FANCB: variants seen among roughly 807,000 people sequenced by gnomAD.
The protein encoded by FANCB is Fanconi anemia group B protein.
In FANCB, 5 loss-of-function variants were observed where a neutral mutation model predicts 38.9. The observed-to-expected ratio is 0.13, with a 90% CI of 0.07 to 0.27. The LOEUF is 0.27. Among genes scored for constraint, FANCB ranks in the 10% least tolerant of loss-of-function variants. The probability of loss-of-function intolerance (pLI) is 1.00; values close to 1 mark genes in which losing one functional copy is unlikely to be tolerated. For missense variants in FANCB, 573 were observed against 602.7 expected (o/e 0.95, Z 0.52); for synonymous variants, 236 against 215.4 (o/e 1.10, Z -0.84).
At chrX:14,795,485 T>C in the FANCB span, among the ~76,000 whole-genome samples, 1 of 111,176 alleles carries the variant, frequency 9.0e-6, no homozygotes, top group Non-Finnish European at 1.9e-5. Context: ...AGGGTGAAGA[T>C]GCAGACCAGC....
At chrX:14,754,650 C>A in the FANCB span, among the ~76,000 whole-genome samples, 1 of 111,071 alleles carries the variant, frequency 9.0e-6, no homozygotes, top group South Asian at 3.8e-4. Flanking sequence ...CTCAGAATAA[C>A]AGTCATTGGA....
At chrX:14,839,046 T>C (rs1360406737), downstream of FANCB, among the ~76,000 whole-genome samples, 2 of 111,357 alleles carry the variant, frequency 1.8e-5, no homozygotes, top group Non-Finnish European at 3.8e-5. Context: ...ATCCCAGCAC[T>C]TTGGGAGGAG....
chrX:14,758,987 A>C, the FANCB span, among the ~76,000 whole-genome samples: 1 of 111,659 alleles, frequency 9.0e-6, no homozygotes. Context: ...ACAAGATATG[A>C]AGGGAAAAAT....
chrX:14,749,213 A>G, the FANCB span, among the ~76,000 whole-genome samples: 1 of 112,018 alleles, frequency 8.9e-6, no homozygotes, highest in African/African-American at 3.2e-5. Flanking sequence ...CAAACCAAGG[A>G]ACATTTGTGT....
chrX:14,834,316 G>A (rs1355029250), downstream of FANCB, among the ~76,000 whole-genome samples: 2 of 111,791 alleles, frequency 1.8e-5, no homozygotes, highest in African/African-American at 6.5e-5. Flanking sequence ...CAGACATGTT[G>A]GACAACACAT....
the FANCB span, among the ~76,000 whole-genome samples, chrX:14,745,722 CAG>C: frequency 1.5e-5 from 1 of 64,840 alleles, no homozygotes; most frequent in Non-Finnish European, 2.6e-5. Context: ...TTTTTTGAGA[CAG>C]AGTCTCACTC....
chrX:14,790,663 T>G, the FANCB span, among the ~76,000 whole-genome samples: 1 of 112,101 alleles, frequency 8.9e-6, no homozygotes, highest in East Asian at 2.8e-4. Flanking sequence ...CCTACTGAAT[T>G]GAGATGCAAC....
the FANCB span, among the ~76,000 whole-genome samples, chrX:14,690,207 TAGA>T: frequency 7.1e-5 from 8 of 112,121 alleles, no homozygotes; most frequent in African/African-American, 2.3e-4. Context: ...ATTTAAAAAA[TAGA>T]AGTGAGCAGT....
At chrX:14,732,955 T>C in the FANCB span, among the ~76,000 whole-genome samples, 3 of 112,376 alleles carry the variant, frequency 2.7e-5, no homozygotes, top group Non-Finnish European at 5.6e-5. Flanking sequence ...TCTTTGCCCA[T>C]GCCTATGTCC....
the FANCB span, among the ~76,000 whole-genome samples, chrX:14,798,874 A>C: frequency 8.9e-6 from 1 of 112,001 alleles, no homozygotes; most frequent in African/African-American, 3.2e-5. Flanking sequence ...GTTTCACATG[A>C]CAAAAAGGAA....
chrX:14,699,274 C>T, the FANCB span, among the ~76,000 whole-genome samples: 14 of 112,248 alleles, frequency 1.2e-4, no homozygotes, highest in African/African-American at 4.2e-4. Context: ...TATCTGGCTG[C>T]ACCATGCCTT....
At chrX:14,720,753 T>G in the FANCB span, among the ~76,000 whole-genome samples, 2 of 112,122 alleles carry the variant, frequency 1.8e-5, no homozygotes, top group African/African-American at 6.5e-5. Context: ...ATTTATTGTC[T>G]TTAAAAGATT....
chrX:14,708,639 GAA>G, the FANCB span, among the ~76,000 whole-genome samples: 2 of 111,665 alleles, frequency 1.8e-5, no homozygotes, highest in African/African-American at 6.5e-5. Flanking sequence ...ACAGCTGGGA[GAA>G]AAGAGAGACA....
At chrX:14,795,776 C>A in the FANCB span, among the ~76,000 whole-genome samples, 1 of 111,875 alleles carries the variant, frequency 8.9e-6, no homozygotes, top group Non-Finnish European at 1.9e-5. Flanking sequence ...CACAAGAGAA[C>A]AGAATTACCG....
At chrX:14,851,458 TTAAC>T (rs1292569691) in intron 6 of FANCB, among the ~76,000 whole-genome samples, 22 of 109,115 alleles carry the variant, frequency 2.0e-4, no homozygotes, top group African/African-American at 7.4e-4. Flanking sequence ...ATGCTCTTCC[TTAAC>T]TATTACCCTA....
At chrX:14,834,373 A>G (rs1480705556), downstream of FANCB, 34 of 341,443 alleles carry the variant, frequency 1.0e-4, no homozygotes, top group South Asian at 1.1e-3. Context: ...CGGAAGGGAA[A>G]GTTCTCACTC....
chrX:14,696,693 C>CTGA, the FANCB span, among the ~76,000 whole-genome samples: 1 of 111,749 alleles, frequency 8.9e-6, no homozygotes, highest in Non-Finnish European at 1.9e-5. Flanking sequence ...GCTTCAGAGA[C>CTGA]GCCAAAGGAT....
At chrX:14,707,653 T>TGAAACTTTTGTTGCC in the FANCB span, among the ~76,000 whole-genome samples, 1,825 of 105,569 alleles carry the variant, frequency 0.017, 20 homozygotes, top group Admixed American at 0.025. Flanking sequence ...TACTACTTTG[T>TGAAACTTTTGTTGCC]GAAACTTTTG....
chrX:14,789,201 G>T, the FANCB span, among the ~76,000 whole-genome samples: 8 of 111,787 alleles, frequency 7.2e-5, no homozygotes, highest in East Asian at 5.6e-4. Context: ...TGACTTAACT[G>T]CTGGGGTATA....
Sources: gnomAD v4.1 joint callset for allele counts (sites outside exome capture counted in the v4.1 genomes callset) on GRCh38, gnomAD v4.1.1 for gene constraint, MANE v1.5 for transcripts, NCBI Gene and HGNC (gene_info 2026-07-23, HGNC 2026-07-21) for gene names.